The following PRRC2B variants were observed in gnomAD, a reference collection of about 807,000 sequenced individuals.
The protein encoded by PRRC2B is proline rich coiled-coil 2B.
A neutral mutation model predicts 242.3 loss-of-function variants in PRRC2B; 68 were observed. The observed-to-expected ratio is 0.28, with a 90% CI of 0.23 to 0.34. PRRC2B has a LOEUF of 0.34. PRRC2B is among the 10% of genes least tolerant of loss of function. The pLI is 1.00. For missense variants in PRRC2B, 2,835 were observed against 2,954.8 expected (o/e 0.96, Z 0.94); for synonymous variants, 1,228 against 1,173.6 (o/e 1.05, Z -0.95).
intron 1 of PRRC2B, among the ~76,000 whole-genome samples, chr9:131,410,300 A>T (rs372666378): frequency 6.6e-6 from 1 of 152,196 alleles, no homozygotes; most frequent in African/African-American, 2.4e-5. Flanking sequence ...GAGCTGGTGC[A>T]GACTCTGGGG....
At chr9:131,478,225 C>T (rs1943759471) in intron 17 of PRRC2B, among the ~76,000 whole-genome samples, 2 of 198 alleles carry the variant, frequency 0.01, no homozygotes, top group South Asian at 0.17. Context: ...GTGGTGTGTC[C>T]GAGGTCACAC....
In PRRC2B at chr9:131,423,904, G is replaced by A. The variant is rs112078964; in HGVS notation, c.-51-6190G>A. On this transcript the variant is annotated intron_variant, in intron 1 of 31. Transcript: ENST00000683519. ...GGATCCAATCCCAGGCTTGTAAGAG[G>A]TGGCTGATTCCACAGTAAGCCATTT... Among the ~76,000 whole-genome samples, 1,267 of 151,950 alleles carry A rather than the reference G, an allele frequency of 8.3e-3. 16 individuals are homozygous for A. The highest frequency in any genetic ancestry group is 0.027 in the African/African-American group (1,140 of 41,470).
At chr9:131,392,720 T>G (rs961067616), upstream of PRRC2B, among the ~76,000 whole-genome samples, 1 of 152,012 alleles carries the variant, frequency 6.6e-6, no homozygotes, top group Admixed American at 6.6e-5. Flanking sequence ...CCAGACCAAC[T>G]TGGCCAACAT....
chr9:131,389,771 G>C (rs897450747), upstream of PRRC2B, among the ~76,000 whole-genome samples: 5 of 150,000 alleles, frequency 3.3e-5, no homozygotes, highest in African/African-American at 1.2e-4. Context: ...TTTGTGCCAA[G>C]CTCTCTTCTC....
At chr9:131,416,328 C>T (rs1291142209) in intron 1 of PRRC2B, among the ~76,000 whole-genome samples, 4 of 152,062 alleles carry the variant, frequency 2.6e-5, no homozygotes, top group East Asian at 3.9e-4. Context: ...AGGCTGGTCT[C>T]GAACCCCTGA....
chr9:131,415,419 C>T (rs1337124981), intron 1 of PRRC2B, among the ~76,000 whole-genome samples: 1 of 152,196 alleles, frequency 6.6e-6, no homozygotes, highest in Admixed American at 6.5e-5. Context: ...TAGGCCAGGC[C>T]CCCGCTCCCC....
At chr9:131,491,633 A>G in intron 29 of PRRC2B, 53 bp downstream of exon 29, 1 of 1,502,488 alleles carries the variant, frequency 6.7e-7, no homozygotes, top group Non-Finnish European at 9.0e-7. Context: ...TGTGTCACCA[A>G]CTTTTTCTAG....
At position 131,475,073 on chromosome 9, in the gene PRRC2B, A is replaced by C; in HGVS notation, c.2944A>C (p.Thr982Pro). Reference sequence around the variant, plus strand: ...GGCCAAGGAGAAGGAGCAGAGCCCCACGGCAGAAAAGGATGAGGACGAAGA... The same window carrying C: ...GGCCAAGGAGAAGGAGCAGAGCCCCCCGGCAGAAAAGGATGAGGACGAAGA... ...RLAKEKEQSP[T>P]AEKDEDEEND... The change falls in exon 16 of 32, where the codon ACG becomes CCG. Residue 982 changes from threonine (T) to proline (P), a missense_variant. Physicochemically the swap from Thr to Pro is conservative, Grantham distance 38. Coordinates refer to ENST00000683519, the MANE Select transcript of PRRC2B (RefSeq NM_013318.4). 1 of 1,610,900 alleles carries C rather than the reference A, an allele frequency of 6.2e-7. No homozygotes were observed. Among genetic ancestry groups the C allele is most frequent in the Non-Finnish European group, 8.5e-7 (1 of 1,178,518 alleles).
At chr9:131,469,975 G>A (rs1462500124) in intron 13 of PRRC2B, among the ~76,000 whole-genome samples, 5 of 152,162 alleles carry the variant, frequency 3.3e-5, no homozygotes, top group African/African-American at 1.2e-4. Context: ...TGTGGGAGCA[G>A]AGGACCGGGG....
intron 1 of PRRC2B, among the ~76,000 whole-genome samples, chr9:131,428,150 G>T (rs1284265819): frequency 6.6e-6 from 1 of 151,666 alleles, no homozygotes; most frequent in Non-Finnish European, 1.5e-5. Context: ...TTGAGCTCCT[G>T]ACCTCGTGAT....
At position 131,482,573 on chromosome 9, in the gene PRRC2B, C is replaced by T. The variant is rs373238778; in HGVS notation, c.5175+11C>T. ...CCATCTGAGCAGAAGGTAACCTGGA[C>T]GTTCCAGTCACAGTGGCCAGGGCCT... is the stretch of plus-strand genomic sequence containing the variant. On this transcript the variant is annotated intron_variant, in intron 21 of 31. Coordinates refer to ENST00000683519, the MANE Select transcript of PRRC2B (RefSeq NM_013318.4). The surrounding 1 kb of genome is among the most constrained non-coding windows in gnomAD (Gnocchi z 5.2). 33 of 1,577,374 alleles carry T rather than the reference C, an allele frequency of 2.1e-5. No homozygotes were observed. Among genetic ancestry groups the T allele is most frequent in the South Asian group, 5.7e-5 (5 of 87,448 alleles).
At chr9:131,427,416 T>C (rs1328187296) in intron 1 of PRRC2B, among the ~76,000 whole-genome samples, 1 of 152,078 alleles carries the variant, frequency 6.6e-6, no homozygotes, top group Non-Finnish European at 1.5e-5. Context: ...CTGCAAGCTC[T>C]GCTTCCCGGG....
intron 24 of PRRC2B, 24 bp downstream of exon 24, chr9:131,484,814 G>C (rs1395121660): frequency 1.9e-6 from 3 of 1,589,396 alleles, no homozygotes; most frequent in Non-Finnish European, 2.6e-6. Context: ...TGAGCTGGGT[G>C]AGGGCCCACC....
intron 5 of PRRC2B, among the ~76,000 whole-genome samples, chr9:131,443,489 A>G (rs1413191674): frequency 6.6e-6 from 1 of 151,158 alleles, no homozygotes; most frequent in African/African-American, 2.4e-5. Context: ...ACTGGAGTGC[A>G]GTGGCACGTT....
At chr9:131,430,398 A>C (rs1240992216) in intron 2 of PRRC2B, 139 bp downstream of exon 2, 25 of 561,316 alleles carry the variant, frequency 4.5e-5, no homozygotes, top group Non-Finnish European at 7.6e-5. Context: ...ATCACTCTCT[A>C]CTTCCTACTT....
chr9:131,430,599 A>G (rs12551301), intron 2 of PRRC2B, among the ~76,000 whole-genome samples: 29,757 of 88,026 alleles, frequency 0.34, 3,236 homozygotes, highest in South Asian at 0.43. Flanking sequence ...GTGTGTGTAT[A>G]TATATGTTTT....
chr9:131,471,491 G>A (rs1308999692), intron 14 of PRRC2B, among the ~76,000 whole-genome samples: 1 of 152,134 alleles, frequency 6.6e-6, no homozygotes, highest in Non-Finnish European at 1.5e-5. Context: ...TAATGTAGTT[G>A]CTCTGTGGTC....
intron 28 of PRRC2B, among the ~76,000 whole-genome samples, chr9:131,488,713 T>G (rs533979199): frequency 6.6e-6 from 1 of 152,180 alleles, no homozygotes; most frequent in Non-Finnish European, 1.5e-5. Flanking sequence ...TTGTTGATGC[T>G]TCTAGACTCC....
chr9:131,426,017 G>GA (rs1284571016), intron 1 of PRRC2B, among the ~76,000 whole-genome samples: 3 of 149,476 alleles, frequency 2.0e-5, no homozygotes, highest in Admixed American at 6.7e-5. Context: ...TCAACAAAAA[G>GA]AAAAAAAATC....
Sources: gnomAD v4.1 joint callset for allele counts (sites outside exome capture counted in the v4.1 genomes callset) on GRCh38, gnomAD v4.1.1 for gene constraint, Gnocchi (gnomAD v3.1) non-coding constraint, MANE v1.5 for transcripts, NCBI Gene and HGNC (gene_info 2026-07-23, HGNC 2026-07-21) for gene names.